SAMD5: variants seen among roughly 807,000 people sequenced by gnomAD.
SAMD5 encodes the protein sterile alpha motif domain-containing protein 5.
SAMD5 carries 13 observed loss-of-function variants against 11.3 expected under a neutral mutation model. That is an observed-to-expected ratio of 1.15 (90% CI 0.75 to 1.83). The LOEUF (loss-of-function observed/expected upper bound fraction) is 1.83, where lower values mean the gene tolerates loss of function less well. Ranked by LOEUF, SAMD5 falls within the 40% of genes most tolerant of loss-of-function variation. SAMD5 has a pLI of 0.00. For missense variants in SAMD5, 255 were observed against 239.1 expected (o/e 1.07, Z -0.44); for synonymous variants, 129 against 111.3 (o/e 1.16, Z -1.00).
At chr6:147,902,460 C>T in the SAMD5 span, among the ~76,000 whole-genome samples, 2 of 151,990 alleles carry the variant, frequency 1.3e-5, no homozygotes, top group Non-Finnish European at 2.9e-5. Context: ...TAGAATTAAC[C>T]TTATTTAACC....
At chr6:147,641,959 A>T (rs1472639568) in intron 1 of SAMD5, among the ~76,000 whole-genome samples, 1 of 152,206 alleles carries the variant, frequency 6.6e-6, no homozygotes, top group Non-Finnish European at 1.5e-5. Context: ...TACAACAATG[A>T]CAGTCTAACA....
the SAMD5 span, among the ~76,000 whole-genome samples, chr6:147,926,142 C>T: frequency 6.6e-6 from 1 of 152,128 alleles, no homozygotes; most frequent in Non-Finnish European, 1.5e-5. Context: ...GTACTGCAAT[C>T]AACATTCATG....
At chr6:147,609,426 C>A (rs1209139615) in intron 1 of SAMD5, among the ~76,000 whole-genome samples, 1 of 152,232 alleles carries the variant, frequency 6.6e-6, no homozygotes, top group African/African-American at 2.4e-5. Flanking sequence ...CAATCAATCT[C>A]TGTTGTTTAA....
chr6:147,790,795 T>TGTCTC, the SAMD5 span, among the ~76,000 whole-genome samples: 1 of 111,312 alleles, frequency 9.0e-6, no homozygotes, highest in African/African-American at 4.1e-5. Flanking sequence ...TCTCTCTCTC[T>TGTCTC]CTCTCTCTCT....
chr6:147,837,038 C>T, the SAMD5 span, among the ~76,000 whole-genome samples: 7 of 152,094 alleles, frequency 4.6e-5, no homozygotes, highest in East Asian at 1.9e-4. Flanking sequence ...AACAATGTGC[C>T]GGTAGACATG....
At chr6:147,914,846 C>A in the SAMD5 span, among the ~76,000 whole-genome samples, 1 of 152,028 alleles carries the variant, frequency 6.6e-6, no homozygotes, top group Non-Finnish European at 1.5e-5. Flanking sequence ...CTGTAATATT[C>A]AGGATGAGAA....
intron 1 of SAMD5, 23 bp from the exon 2 acceptor site, chr6:147,564,371 C>T (rs574678758): frequency 3.8e-6 from 3 of 780,128 alleles, no homozygotes; most frequent in South Asian, 2.7e-5. Flanking sequence ...ACTTCAATAA[C>T]CCAGATATGT....
chr6:147,881,654 G>A, the SAMD5 span, among the ~76,000 whole-genome samples: 1 of 152,160 alleles, frequency 6.6e-6, no homozygotes, highest in Non-Finnish European at 1.5e-5. Flanking sequence ...TGCTGGCTGT[G>A]TTCTGCATCT....
chr6:147,917,996 C>A, the SAMD5 span, among the ~76,000 whole-genome samples: 1 of 152,104 alleles, frequency 6.6e-6, no homozygotes, highest in Non-Finnish European at 1.5e-5. Flanking sequence ...TAGCGTGATG[C>A]CTCCAGCTTT....
chr6:147,610,375 C>T (rs1031883747), intron 1 of SAMD5, among the ~76,000 whole-genome samples: 11 of 152,112 alleles, frequency 7.2e-5, no homozygotes, highest in Middle Eastern at 3.2e-3. Flanking sequence ...GTTGGTGCAA[C>T]GACGACACTC....
chr6:147,739,469 G>C (rs766743598), downstream of SAMD5, among the ~76,000 whole-genome samples: 1 of 152,116 alleles, frequency 6.6e-6, no homozygotes, highest in Non-Finnish European at 1.5e-5. Context: ...GTAGTGGCAT[G>C]TGCCTGTAGT....
chr6:147,795,228 A>G, the SAMD5 span, among the ~76,000 whole-genome samples: 2 of 93,800 alleles, frequency 2.1e-5, no homozygotes, highest in Admixed American at 1.3e-4. Flanking sequence ...CCCCCACCCC[A>G]CAACAGTCCC....
intron 1 of SAMD5, chr6:147,676,276 C>T (rs1790862316): frequency 1.3e-5 from 2 of 152,092 alleles, no homozygotes; most frequent in Non-Finnish European, 2.9e-5. Flanking sequence ...AATTCACAGT[C>T]CAACTCTGGA....
intron 1 of SAMD5, among the ~76,000 whole-genome samples, chr6:147,607,292 C>T (rs558563374): frequency 6.6e-6 from 1 of 152,200 alleles, no homozygotes; most frequent in African/African-American, 2.4e-5. Context: ...CCATCCCTAC[C>T]AAAATACCAA....
the SAMD5 span, among the ~76,000 whole-genome samples, chr6:147,778,975 T>C: frequency 7.6e-6 from 1 of 131,216 alleles, no homozygotes; most frequent in Non-Finnish European, 1.6e-5. Flanking sequence ...TTGGATTTTT[T>C]TCGGGGAAAA....
At chr6:147,783,394 G>T in the SAMD5 span, among the ~76,000 whole-genome samples, 680 of 148,332 alleles carry the variant, frequency 4.6e-3, 4 homozygotes, top group African/African-American at 0.016. Flanking sequence ...TTTTTTTTGC[G>T]GGGGGTCGGG....
chr6:147,539,209 G>A (rs535065755), intron 1 of SAMD5, among the ~76,000 whole-genome samples: 4 of 152,260 alleles, frequency 2.6e-5, no homozygotes, highest in African/African-American at 4.8e-5. Context: ...AAGACAGTGC[G>A]GTGCAGCTAC....
chr6:147,689,076 T>G (rs2128456893), intron 1 of SAMD5, among the ~76,000 whole-genome samples: 1 of 152,288 alleles, frequency 6.6e-6, no homozygotes, highest in Admixed American at 6.5e-5. Flanking sequence ...CCTGGTTTGG[T>G]TTCTTTGGTT....
Position 147,569,442 on chromosome 6 carries a change from A to C in SAMD5, c.*4986A>C, listed in dbSNP as rs1789101617. 1.1e-6 allele frequency: 1 copy of C among 940,540 alleles called. No homozygotes were observed. The highest frequency in any genetic ancestry group is 1.3e-6 in the Non-Finnish European group (1 of 789,002). 58.3% of individuals were successfully genotyped at this position (940,540 alleles called of 1,614,324 possible). ...TAACAATTTTGCCAAAATTTCTTCT[A>C]CTGGACCAAAAGGAAATAAATCTAC... On this transcript the variant is annotated 3_prime_UTR_variant, in exon 2 of 2. Transcript: ENST00000367474.
Sources: gnomAD v4.1 joint callset for allele counts (sites outside exome capture counted in the v4.1 genomes callset) on GRCh38, gnomAD v4.1.1 for gene constraint, MANE v1.5 for transcripts, NCBI Gene and HGNC (gene_info 2026-07-23, HGNC 2026-07-21) for gene names.